EPHA6: variants seen among roughly 807,000 people sequenced by gnomAD.
EPHA6 encodes ephrin type-A receptor 6.
A neutral mutation model predicts 112.0 loss-of-function variants in EPHA6; 50 were observed. The ratio of observed to expected loss-of-function variants is 0.45; its 90% confidence interval spans 0.36 to 0.56. The LOEUF (loss-of-function observed/expected upper bound fraction) is 0.56. Among genes scored for constraint, EPHA6 ranks in the 20% least tolerant of loss-of-function variants. The pLI is 0.00. For missense variants in EPHA6, 1,280 were observed against 1,417.4 expected (o/e 0.90, Z 1.56); for synonymous variants, 529 against 490.7 (o/e 1.08, Z -1.03).
chr3:96,897,362 G>A (rs2038338361), intron 2 of EPHA6, among the ~76,000 whole-genome samples: 1 of 152,052 alleles, frequency 6.6e-6, no homozygotes, highest in South Asian at 2.1e-4. Context: ...GCAAATCTTG[G>A]TAGGTGCTAA....
intron 13 of EPHA6, among the ~76,000 whole-genome samples, chr3:97,636,380 G>A (rs972281963): frequency 1.3e-5 from 2 of 152,094 alleles, no homozygotes; most frequent in African/African-American, 4.8e-5. Flanking sequence ...ATAGTGTACT[G>A]TCTAAGAAGA....
intron 6 of EPHA6, among the ~76,000 whole-genome samples, chr3:97,428,983 T>A (rs1308780116): frequency 2.6e-5 from 4 of 152,170 alleles, no homozygotes; most frequent in Admixed American, 1.3e-4. Flanking sequence ...TCTTGCCTCC[T>A]CTCAATTCCT....
intron 2 of EPHA6, among the ~76,000 whole-genome samples, chr3:96,958,800 A>G (rs1285895673): frequency 6.6e-6 from 1 of 152,136 alleles, no homozygotes. Flanking sequence ...GATTCTTTCT[A>G]CTTAGGACTC....
intron 2 of EPHA6, among the ~76,000 whole-genome samples, chr3:96,890,158 A>G (rs981237207): frequency 2.0e-5 from 3 of 152,090 alleles, no homozygotes; most frequent in African/African-American, 4.8e-5. Flanking sequence ...GATATTACAT[A>G]TTGAACTACA....
intron 5 of EPHA6, among the ~76,000 whole-genome samples, chr3:97,369,880 C>T (rs1470703919): frequency 6.6e-6 from 1 of 152,032 alleles, no homozygotes; most frequent in Admixed American, 6.6e-5. Context: ...AGCAATCTAC[C>T]AGATACAAAA....
chr3:96,882,722 T>TTGTGTGTGTGTGTG (rs1277937134), intron 2 of EPHA6, among the ~76,000 whole-genome samples: 1 of 135,946 alleles, frequency 7.4e-6, no homozygotes, highest in South Asian at 2.5e-4. Context: ...TAGTATTCCA[T>TTGTGTGTGTGTGTG]TGTGTGTCTG....
intron 3 of EPHA6, among the ~76,000 whole-genome samples, chr3:97,189,590 A>T (rs2077246331): frequency 6.6e-6 from 1 of 152,094 alleles, no homozygotes; most frequent in African/African-American, 2.4e-5. Flanking sequence ...CTTTAGAAAG[A>T]TTTATGTAAC....
At chr3:97,070,990 T>G (rs1437096514) in intron 3 of EPHA6, among the ~76,000 whole-genome samples, 1 of 152,144 alleles carries the variant, frequency 6.6e-6, no homozygotes, top group Non-Finnish European at 1.5e-5. Flanking sequence ...TAGATTTTTA[T>G]AGGGTGATTA....
At chr3:96,982,602 G>T (rs944950201) in intron 2 of EPHA6, among the ~76,000 whole-genome samples, 3 of 152,078 alleles carry the variant, frequency 2.0e-5, no homozygotes, top group African/African-American at 7.2e-5. Context: ...TCAATTCCTG[G>T]ATATCCTTGT....
intron 3 of EPHA6, among the ~76,000 whole-genome samples, chr3:97,053,889 A>AG (rs1446465678): frequency 6.6e-6 from 1 of 152,090 alleles, no homozygotes; most frequent in Non-Finnish European, 1.5e-5. Flanking sequence ...TATCTTAGAG[A>AG]AACGCTCAAA....
chr3:97,424,249 A>G (rs1366911399), intron 6 of EPHA6, among the ~76,000 whole-genome samples: 1 of 152,110 alleles, frequency 6.6e-6, no homozygotes, highest in African/African-American at 2.4e-5. Flanking sequence ...TGATTAAATT[A>G]ACTCCACCTG....
chr3:97,124,894 G>C (rs888385947), intron 3 of EPHA6, among the ~76,000 whole-genome samples: 1 of 152,184 alleles, frequency 6.6e-6, no homozygotes, highest in Non-Finnish European at 1.5e-5. Flanking sequence ...CCAGCAAGGG[G>C]CATGAGCAGT....
chr3:96,895,457 A>G (rs1293918256), intron 2 of EPHA6, among the ~76,000 whole-genome samples: 1 of 152,130 alleles, frequency 6.6e-6, no homozygotes, highest in East Asian at 1.9e-4. Flanking sequence ...TATTGGAGAA[A>G]GAAAAAAATT....
chr3:97,543,754 C>A (rs202043627), intron 11 of EPHA6, among the ~76,000 whole-genome samples: 38,174 of 150,454 alleles, frequency 0.25, 7,118 homozygotes, highest in African/African-American at 0.52. Context: ...ATTTGTTTGT[C>A]TCCTCTTTTA....
chr3:97,346,959 T>G (rs1211671157), intron 5 of EPHA6, among the ~76,000 whole-genome samples: 1 of 152,108 alleles, frequency 6.6e-6, no homozygotes, highest in African/African-American at 2.4e-5. Context: ...AAGGAGAGTC[T>G]GATGATAACT....
chr3:96,842,401 TG>T (rs1413702975), intron 1 of EPHA6, among the ~76,000 whole-genome samples: 1 of 152,064 alleles, frequency 6.6e-6, no homozygotes, highest in African/African-American at 2.4e-5. Flanking sequence ...GGGTTAGAGC[TG>T]TATTCTATGA....
At chr3:97,408,506 T>C (rs1261436718) in intron 6 of EPHA6, among the ~76,000 whole-genome samples, 2 of 152,092 alleles carry the variant, frequency 1.3e-5, no homozygotes, top group Admixed American at 6.6e-5. Flanking sequence ...ATTATTCTCT[T>C]AGTCTGTTTC....
At chr3:96,961,134 GC>G (rs2041935647) in intron 2 of EPHA6, among the ~76,000 whole-genome samples, 1 of 152,234 alleles carries the variant, frequency 6.6e-6, no homozygotes, top group South Asian at 2.1e-4. Context: ...GTTTCATCTT[GC>G]CAGACATCTG....
At chr3:96,943,929 A>AATTTATGATATATATGATAT (rs1183227158) in intron 2 of EPHA6, among the ~76,000 whole-genome samples, 3 of 152,200 alleles carry the variant, frequency 2.0e-5, no homozygotes, top group Non-Finnish European at 4.4e-5. Flanking sequence ...TGAGTTTTGC[A>AATTTATGATATATATGATAT]ATTTATGATA....
Sources: gnomAD v4.1 joint callset for allele counts (sites outside exome capture counted in the v4.1 genomes callset) on GRCh38, gnomAD v4.1.1 for gene constraint, MANE v1.5 for transcripts, NCBI Gene and HGNC (gene_info 2026-07-23, HGNC 2026-07-21) for gene names.